The following RPTOR variants were observed in gnomAD, a reference collection of about 807,000 sequenced individuals.
RPTOR encodes the protein regulatory associated protein of MTOR complex 1.
In RPTOR, 21 loss-of-function variants were observed where a neutral mutation model predicts 169.9. That is an observed-to-expected ratio of 0.12 (90% confidence interval 0.09 to 0.18). The LOEUF is 0.18. Among genes scored for constraint, RPTOR ranks in the 10% least tolerant of loss-of-function variants. RPTOR has a pLI of 1.00. For synonymous variants in RPTOR, 732 were observed against 753.2 expected (o/e 0.97, Z 0.46); for missense variants, 1,133 against 1,855.9 (o/e 0.61, Z 7.16).
Position 80,601,555 on chromosome 17 carries a change from CTTT to C in RPTOR, c.163-24121_163-24119del, listed in dbSNP as rs536196387. On this transcript the variant is annotated intron_variant, in intron 1 of 33. Transcript: ENST00000306801. ...CTGCTGTTGGTGAAGATGGTTCAGT[CTTT>C]TTTTTTTTTTTTTTAAATTTATTTT... is the stretch of plus-strand genomic sequence containing the variant. Among the ~76,000 whole-genome samples the C allele has an allele frequency of 3.3e-4, 6 of 18,000 alleles. 3 individuals are homozygous for C. Among genetic ancestry groups the C allele is most frequent in the African/African-American group, 1.4e-3 (4 of 2,864 alleles). 11.8% of individuals were successfully genotyped at this position (18,000 alleles called of 152,430 possible). A position where few individuals can be genotyped will look rare whatever the true frequency, so the allele number is the denominator to read the frequency against.
At chr17:80,615,958 G>T (rs1038839098) in intron 1 of RPTOR, among the ~76,000 whole-genome samples, 1 of 152,032 alleles carries the variant, frequency 6.6e-6, no homozygotes, top group Non-Finnish European at 1.5e-5. Context: ...CATGAGATGC[G>T]TTGGCCCAAG....
intron 1 of RPTOR, among the ~76,000 whole-genome samples, chr17:80,548,679 T>C (rs1224587985): frequency 1.3e-5 from 2 of 151,898 alleles, no homozygotes; most frequent in Non-Finnish European, 2.9e-5. Flanking sequence ...GGCCCTGGGG[T>C]GTTTTTTGAC....
At chr17:80,615,267 G>T (rs1002955411) in intron 1 of RPTOR, among the ~76,000 whole-genome samples, 1 of 152,138 alleles carries the variant, frequency 6.6e-6, no homozygotes, top group Admixed American at 6.5e-5. Context: ...GAAGAGCCAG[G>T]TGCCTCTGCC....
intron 4 of RPTOR, among the ~76,000 whole-genome samples, chr17:80,712,561 C>G (rs2066204127): frequency 6.6e-6 from 1 of 152,186 alleles, no homozygotes; most frequent in African/African-American, 2.4e-5. Context: ...GCTTCTTTAT[C>G]CATTTTCCTA....
chr17:80,670,808 A>G (rs2065816171), intron 3 of RPTOR, among the ~76,000 whole-genome samples: 1 of 150,908 alleles, frequency 6.6e-6, no homozygotes, highest in Admixed American at 6.6e-5. Flanking sequence ...ACTCCCCCCC[A>G]CATTCATTTC....
At chr17:80,798,719 C>A (rs9895861) in intron 7 of RPTOR, among the ~76,000 whole-genome samples, 2 of 152,048 alleles carry the variant, frequency 1.3e-5, no homozygotes, top group African/African-American at 4.8e-5. Flanking sequence ...AAGGCACTGC[C>A]TCCCTCCAGG....
intron 20 of RPTOR, 62 bp downstream of exon 20, chr17:80,893,927 C>T (rs1598384618): frequency 2.1e-6 from 3 of 1,447,590 alleles, no homozygotes; most frequent in Non-Finnish European, 1.8e-6. Flanking sequence ...CCACACAGAG[C>T]AGCACAGACC....
intron 3 of RPTOR, among the ~76,000 whole-genome samples, chr17:80,648,946 G>A (rs1011065934): frequency 3.3e-5 from 5 of 152,240 alleles, no homozygotes; most frequent in African/African-American, 9.6e-5. Flanking sequence ...TGTGACTTGC[G>A]CCTCCTTACC....
intron 3 of RPTOR, among the ~76,000 whole-genome samples, chr17:80,684,503 G>A (rs2065921821): frequency 6.6e-6 from 1 of 151,628 alleles, no homozygotes; most frequent in Non-Finnish European, 1.5e-5. Context: ...GAGTTGCAGT[G>A]GTGTGATCTC....
Position 80,544,860 on chromosome 17 carries a change from C to T in RPTOR, c.-770C>T, listed in dbSNP as rs756776259. On this transcript the variant is annotated 5_prime_UTR_variant, in exon 1 of 34. Transcript: ENST00000306801. ...TGGGTCCTGGCAATATGGCGTCCTC[C>T]TTGATGGGCTGATGAGATGAGTTTC... 2 of 220,108 alleles carry T rather than the reference C, an allele frequency of 9.1e-6. No individual in the cohort carries two copies. The highest frequency in any genetic ancestry group is 1.8e-5 in the Non-Finnish European group (2 of 109,442). 13.6% of individuals were successfully genotyped at this position (220,108 alleles called of 1,614,324 possible). A position where few individuals can be genotyped will look rare whatever the true frequency, so the allele number is the denominator to read the frequency against.
intron 7 of RPTOR, among the ~76,000 whole-genome samples, chr17:80,814,896 C>G (rs1019831595): frequency 3.3e-5 from 5 of 152,128 alleles, no homozygotes; most frequent in Admixed American, 1.3e-4. Context: ...GGAGAGACCC[C>G]AGGGGAGTGT....
At chr17:80,821,943 G>A (rs2067383584) in intron 7 of RPTOR, among the ~76,000 whole-genome samples, 1 of 152,202 alleles carries the variant, frequency 6.6e-6, no homozygotes, top group South Asian at 2.1e-4. Flanking sequence ...GGCTTGGTCT[G>A]TAAGTCTGGG....
intron 4 of RPTOR, among the ~76,000 whole-genome samples, chr17:80,723,400 G>A (rs893000002): frequency 6.6e-6 from 1 of 151,130 alleles, no homozygotes; most frequent in South Asian, 2.1e-4. Context: ...TGAAAGAATT[G>A]TTGCTTCTCT....
intron 5 of RPTOR, among the ~76,000 whole-genome samples, chr17:80,733,467 CTA>C (rs1331206763): frequency 1.3e-5 from 2 of 152,202 alleles, no homozygotes; most frequent in Non-Finnish European, 2.9e-5. Context: ...TGCTGAGACT[CTA>C]TGACCAAAGG....
At position 80,633,848 on chromosome 17, in the gene RPTOR, C is replaced by G. The variant is rs1193098077; in HGVS notation, c.265+8055C>G. ...TTGTCTCCCTCTGGTTGTTGGGAAC[C>G]CATTGGGCCGGCTTCTTTGGCTTCT... On this transcript the variant is annotated intron_variant, in intron 2 of 33. Coordinates refer to ENST00000306801, the MANE Select transcript of RPTOR (RefSeq NM_020761.3). This position sits in a 1 kb window ranked among gnomAD's most constrained non-coding sequence, Gnocchi z 4.1. 6.6e-6 allele frequency among the ~76,000 whole-genome samples: 1 copy of G among 152,140 alleles called. No individual in the cohort carries two copies. Among genetic ancestry groups the G allele is most frequent in the African/African-American group, 2.4e-5 (1 of 41,422 alleles).
At chr17:80,588,272 C>T (rs2065078930) in intron 1 of RPTOR, among the ~76,000 whole-genome samples, 1 of 151,832 alleles carries the variant, frequency 6.6e-6, no homozygotes, top group African/African-American at 2.4e-5. Flanking sequence ...AGGCAATTCT[C>T]CTGCCTCAGT....
rs944572519 is a variant in RPTOR, at chr17:80,945,851, G to A, written c.3140+70G>A. ...CCCCAGCGATGCCCTGTTCTCCCCC[G>A]ATCACCACTCCTCTTCCTTGAAAAG... On this transcript the variant is annotated intron_variant, in intron 26 of 33. Transcript: ENST00000306801. The A allele has an allele frequency of 4.2e-5, 36 of 847,818 alleles. No homozygotes were observed. The South Asian group carries it at 6.1e-4, about 14-fold the overall frequency. 52.5% of individuals were successfully genotyped at this position (847,818 alleles called of 1,614,324 possible).
chr17:80,665,133 GCTC>G (rs2065753772), intron 3 of RPTOR, among the ~76,000 whole-genome samples: 1 of 151,986 alleles, frequency 6.6e-6, no homozygotes, highest in African/African-American at 2.4e-5. Context: ...GGGTGCGGTG[GCTC>G]CTCCCACCTG....
At chr17:80,700,954 A>G (rs1370632387) in intron 3 of RPTOR, among the ~76,000 whole-genome samples, 1 of 152,000 alleles carries the variant, frequency 6.6e-6, no homozygotes, top group African/African-American at 2.4e-5. Flanking sequence ...TAGACTCAAC[A>G]GGATGCAATG....
Sources: allele counts gnomAD v4.1 joint callset (sites outside exome capture counted in the v4.1 genomes callset), GRCh38; gene constraint gnomAD v4.1.1; non-coding constraint Gnocchi (gnomAD v3.1); transcripts MANE v1.5; gene names NCBI Gene and HGNC (gene_info 2026-07-23, HGNC 2026-07-21).